KALRN: variants seen among roughly 807,000 people sequenced by gnomAD.
KALRN encodes kalirin RhoGEF kinase, also known as kalirin.
KALRN carries 70 observed loss-of-function variants against 353.7 expected under a neutral mutation model. That is an observed-to-expected ratio of 0.20 (90% CI 0.16 to 0.24). The LOEUF is 0.24. KALRN is among the 10% of genes least tolerant of loss of function. The pLI, the probability that KALRN is intolerant of heterozygous loss-of-function variation, is 1.00. For missense variants in KALRN, 2,791 were observed against 3,756.7 expected (o/e 0.74, Z 6.72); for synonymous variants, 1,391 against 1,434.8 (o/e 0.97, Z 0.69).
At position 124,413,714 on chromosome 3, in the gene KALRN, C is replaced by G. The variant is rs2092328520; in HGVS notation, c.2542+49C>G. 3 of 1,474,698 alleles carry G rather than the reference C, an allele frequency of 2.0e-6. No homozygotes were observed. The African/African-American group carries it at 4.2e-5, about 20-fold the overall frequency. 91.4% of individuals were successfully genotyped at this position (1,474,698 alleles called of 1,614,324 possible). A position where few individuals can be genotyped will look rare whatever the true frequency, so the allele number is the denominator to read the frequency against. ...TGGCAGAGGAGATGATGAAAACAAG[C>G]ATACCATCTAGCCTGCAAGGAGCAG... On this transcript the variant is annotated intron_variant, in intron 14 of 59. Transcript: ENST00000682506.
At chr3:124,402,136 T>C (rs2090951047) in intron 13 of KALRN, among the ~76,000 whole-genome samples, 1 of 152,192 alleles carries the variant, frequency 6.6e-6, no homozygotes, top group Non-Finnish European at 1.5e-5. Flanking sequence ...GCCATATCAC[T>C]GAGGGCCCAG....
intron 6 of KALRN, among the ~76,000 whole-genome samples, chr3:124,306,470 T>C (rs1006156411): frequency 6.6e-6 from 1 of 151,958 alleles, no homozygotes; most frequent in Non-Finnish European, 1.5e-5. Context: ...TGAGGACAAA[T>C]GTACAGAGCT....
chr3:124,232,377 C>T (rs1029680499), intron 2 of KALRN, among the ~76,000 whole-genome samples: 2 of 152,210 alleles, frequency 1.3e-5, no homozygotes, highest in African/African-American at 4.8e-5. Context: ...TGACCCTGGA[C>T]TGCCTCTTGT....
At chr3:124,049,452 T>C (rs1274856230) in intron 1 of KALRN, among the ~76,000 whole-genome samples, 1 of 152,084 alleles carries the variant, frequency 6.6e-6, no homozygotes, top group African/African-American at 2.4e-5. Context: ...CCATACCTCA[T>C]AGGAATAGTA....
chr3:124,666,870 C>T, intron 46 of KALRN, 142 bp from the exon 47 acceptor site: 1 of 877,844 alleles, frequency 1.1e-6, no homozygotes, highest in South Asian at 1.8e-5. Context: ...CACCCAGAGA[C>T]AAAAACCTAA....
chr3:124,205,216 C>A (rs2076310879), intron 1 of KALRN, among the ~76,000 whole-genome samples: 1 of 152,172 alleles, frequency 6.6e-6, no homozygotes, highest in South Asian at 2.1e-4. Flanking sequence ...GTAAATACTC[C>A]TATCATAGCA....
chr3:124,540,035 G>A (rs1291606036), intron 33 of KALRN, among the ~76,000 whole-genome samples: 9 of 151,908 alleles, frequency 5.9e-5, no homozygotes, highest in African/African-American at 1.7e-4. Flanking sequence ...TCAGCCTCCC[G>A]ATTAGCTGGG....
chr3:124,037,747 T>C (rs935017271), intron 1 of KALRN, among the ~76,000 whole-genome samples: 41 of 152,078 alleles, frequency 2.7e-4, no homozygotes, highest in African/African-American at 9.4e-4. Flanking sequence ...TGGGGACTTG[T>C]TGATAATCTA....
chr3:124,598,058 C>T (rs925953027), intron 34 of KALRN, among the ~76,000 whole-genome samples: 1 of 152,182 alleles, frequency 6.6e-6, no homozygotes, highest in African/African-American at 2.4e-5. Flanking sequence ...AATTGGAACT[C>T]ACTCTCAGGT....
chr3:124,337,268 C>T (rs2081230752), intron 9 of KALRN, among the ~76,000 whole-genome samples: 1 of 152,116 alleles, frequency 6.6e-6, no homozygotes, highest in South Asian at 2.1e-4. Flanking sequence ...AGCTTTTGCC[C>T]AGTCAGTATG....
At chr3:124,436,528 C>G (rs2093466225) in intron 17 of KALRN, among the ~76,000 whole-genome samples, 1 of 152,034 alleles carries the variant, frequency 6.6e-6, no homozygotes, top group Non-Finnish European at 1.5e-5. Flanking sequence ...AGTTTGATGA[C>G]AGATCTTCTC....
intron 57 of KALRN, among the ~76,000 whole-genome samples, chr3:124,703,519 G>T (rs1300285342): frequency 6.6e-6 from 1 of 152,062 alleles, no homozygotes; most frequent in African/African-American, 2.4e-5. Flanking sequence ...ATCGGTTATT[G>T]CTATGTTGCC....
chr3:124,655,974 A>G (rs2083972560), intron 39 of KALRN, among the ~76,000 whole-genome samples: 1 of 152,170 alleles, frequency 6.6e-6, no homozygotes, highest in Non-Finnish European at 1.5e-5. Flanking sequence ...CTTTTCTTTG[A>G]TGTTTAACTA....
chr3:124,446,181 C>A lies in KALRN; in HGVS notation c.3334C>A (p.Gln1112Lys). The A allele has an allele frequency of 6.2e-7, 1 of 1,613,838 alleles. No homozygotes were observed. Residue 1112 changes from glutamine (Q) to lysine (K), a missense_variant, in exon 20 of 60, where the codon CAG (glutamine) becomes AAG (lysine). Physicochemically the swap from Gln to Lys is moderately conservative, Grantham distance 53. This residue lies in a region of KALRN where 268 missense variants were observed against 347.0 expected (regional missense o/e 0.77). Transcript: ENST00000682506. ...QVKAILSELL[Q>K]RENRVLHFWT... The stretch of plus-strand genomic sequence containing the variant: ...CACAGCCATCCTGAGTGAGCTCCTG[C>A]AGAGGGAGAATCGCGTGCTGCATTT...
At chr3:124,519,128 C>T (rs2066943390) in intron 33 of KALRN, 9 of 985,408 alleles carry the variant, frequency 9.1e-6, no homozygotes, top group South Asian at 4.7e-5. Context: ...CACTCCCTCC[C>T]GAGGTCTCTG....
intron 28 of KALRN, among the ~76,000 whole-genome samples, chr3:124,486,978 C>T (rs1237655637): frequency 6.6e-6 from 1 of 152,202 alleles, no homozygotes; most frequent in Non-Finnish European, 1.5e-5. Context: ...GATAAGTCCT[C>T]TCTTGCTAGC....
intron 1 of KALRN, among the ~76,000 whole-genome samples, chr3:124,179,287 A>T (rs1415220189): frequency 6.6e-6 from 1 of 152,088 alleles, no homozygotes; most frequent in African/African-American, 2.4e-5. Flanking sequence ...TAAAACTTTT[A>T]AAACTTTTTT....
chr3:124,571,006 C>A (rs2073452895), intron 34 of KALRN, among the ~76,000 whole-genome samples: 2 of 152,156 alleles, frequency 1.3e-5, no homozygotes, highest in African/African-American at 4.8e-5. Context: ...ATTCTAAGGG[C>A]TAGAATATTC....
chr3:124,200,409 G>T (rs1396600996), intron 1 of KALRN, among the ~76,000 whole-genome samples: 1 of 152,152 alleles, frequency 6.6e-6, no homozygotes, highest in Non-Finnish European at 1.5e-5. Context: ...TCTGGCGAGG[G>T]CATGTTCCTC....
Sources: gnomAD v4.1 joint callset for allele counts (sites outside exome capture counted in the v4.1 genomes callset) on GRCh38, gnomAD v4.1.1 for gene constraint, gnomAD v4.1.1 regional missense constraint, MANE v1.5 for transcripts, NCBI Gene and HGNC (gene_info 2026-07-23, HGNC 2026-07-21) for gene names.